ABCA13: variants seen among roughly 807,000 people sequenced by gnomAD.
ABCA13 encodes ATP-binding cassette sub-family A member 13.
A neutral mutation model predicts 478.7 loss-of-function variants in ABCA13; 476 were observed. The observed-to-expected ratio is 0.99, with a 90% confidence interval of 0.92 to 1.07. The LOEUF is 1.07. ABCA13 is among the 50% of genes least tolerant of loss of function. The probability of loss-of-function intolerance (pLI) is 0.00; values close to 1 mark genes in which losing one functional copy is unlikely to be tolerated. For missense variants in ABCA13, 6,060 were observed against 5,910.6 expected (o/e 1.03, Z -0.83); for synonymous variants, 2,252 against 2,158.9 (o/e 1.04, Z -1.20).
intron 55 of ABCA13, among the ~76,000 whole-genome samples, chr7:48,561,904 G>T (rs1267701443): frequency 2.0e-5 from 3 of 151,846 alleles, no homozygotes; most frequent in African/African-American, 7.3e-5. Flanking sequence ...ATTGAGTTTT[G>T]GATATCGCAT....
chr7:48,214,209 T>A (rs1032339111), intron 3 of ABCA13, among the ~76,000 whole-genome samples: 1 of 152,166 alleles, frequency 6.6e-6, no homozygotes, highest in Non-Finnish European at 1.5e-5. Flanking sequence ...GAAAACAACA[T>A]TTTTTTCTGA....
In ABCA13 at chr7:48,341,139, A is replaced by G. The variant is rs114571560; in HGVS notation, c.10204+2684A>G. Among the ~76,000 whole-genome samples the G allele has an allele frequency of 1.5e-3, 236 of 152,336 alleles. 1 individual carries two copies. Among genetic ancestry groups the G allele is most frequent in the African/African-American group, 5.5e-3 (229 of 41,572 alleles). On this transcript the variant is annotated intron_variant, in intron 29 of 61. Coordinates refer to ENST00000435803, the MANE Select transcript of ABCA13 (RefSeq NM_152701.5). ...TCAGTGCAGAGTCAGGCTATGCATT[A>G]TAATGACATTCCCTTATTTACCATG...
intron 10 of ABCA13, among the ~76,000 whole-genome samples, chr7:48,242,313 C>G (rs1260086386): frequency 1.3e-5 from 2 of 152,054 alleles, no homozygotes; most frequent in African/African-American, 4.8e-5. Context: ...ATACCACACT[C>G]TAGGTACAAA....
At chr7:48,632,086 T>C (rs1418668042) in intron 59 of ABCA13, among the ~76,000 whole-genome samples, 4 of 152,212 alleles carry the variant, frequency 2.6e-5, no homozygotes, top group Admixed American at 6.5e-5. Context: ...TAGTGTTTTC[T>C]AGTTACACAT....
chr7:48,201,371 C>T (rs958864544), intron 3 of ABCA13, among the ~76,000 whole-genome samples: 2 of 152,172 alleles, frequency 1.3e-5, no homozygotes, highest in Non-Finnish European at 2.9e-5. Context: ...GGAGCTGTTA[C>T]GCTCTCGGGC....
At chr7:48,191,495 C>T (rs1270196123) in intron 1 of ABCA13, among the ~76,000 whole-genome samples, 1 of 152,234 alleles carries the variant, frequency 6.6e-6, no homozygotes, top group Non-Finnish European at 1.5e-5. Context: ...CCTCCACCTC[C>T]CGGGTTCAAG....
At chr7:48,301,235 T>A (rs550021904) in intron 23 of ABCA13, among the ~76,000 whole-genome samples, 1 of 152,058 alleles carries the variant, frequency 6.6e-6, no homozygotes, top group Admixed American at 6.5e-5. Context: ...GTATTCTGAA[T>A]TTTTTTTCTT....
At chr7:48,377,371 A>T (rs960488428) in intron 35 of ABCA13, among the ~76,000 whole-genome samples, 4 of 152,152 alleles carry the variant, frequency 2.6e-5, no homozygotes, top group Admixed American at 2.0e-4. Context: ...TTTCTTGCTG[A>T]AATTACTTGG....
At position 48,454,993 on chromosome 7, in the gene ABCA13, C is replaced by T. The variant is rs756545663; in HGVS notation, c.12566-44C>T. 3 of 1,459,326 alleles carry T rather than the reference C, an allele frequency of 2.1e-6. 1 individual carries two copies. In the East Asian group the frequency reaches 7.5e-5, roughly 37 times the overall value. The allele number at this position is 1,459,326 out of a possible 1,614,324, so 90.4% of individuals were successfully genotyped here. ...CAAACGAGGCAAAGCGCTGTCACCT[C>T]CGCAGAGCTGACCCAGCCGCCCTTC... On this transcript the variant is annotated intron_variant, in intron 42 of 61. Transcript: ENST00000435803.
intron 27 of ABCA13, among the ~76,000 whole-genome samples, chr7:48,329,823 A>G (rs1361090212): frequency 6.6e-6 from 1 of 151,626 alleles, no homozygotes; most frequent in East Asian, 2.0e-4. Flanking sequence ...CCACACATCT[A>G]TTCATTCATC....
At chr7:48,418,611 T>C (rs1378162917) in intron 41 of ABCA13, among the ~76,000 whole-genome samples, 1 of 152,178 alleles carries the variant, frequency 6.6e-6, no homozygotes, top group Non-Finnish European at 1.5e-5. Flanking sequence ...TAGGTTTATC[T>C]TCCCTATCTT....
chr7:48,523,573 A>C (rs1044218677), intron 53 of ABCA13, among the ~76,000 whole-genome samples: 6 of 151,796 alleles, frequency 4.0e-5, no homozygotes, highest in African/African-American at 1.5e-4. Flanking sequence ...CATTAAATAT[A>C]TTTTAAATGA....
At chr7:48,533,642 T>G (rs943505033) in intron 55 of ABCA13, among the ~76,000 whole-genome samples, 1 of 152,126 alleles carries the variant, frequency 6.6e-6, no homozygotes, top group Non-Finnish European at 1.5e-5. Flanking sequence ...TTTTTAGGTG[T>G]AGTAGTAATT....
At chr7:48,377,488 A>G (rs1339317518) in intron 35 of ABCA13, among the ~76,000 whole-genome samples, 1 of 152,228 alleles carries the variant, frequency 6.6e-6, no homozygotes, top group Non-Finnish European at 1.5e-5. Context: ...GAGGGATAGA[A>G]AGAAAACAAA....
At position 48,184,720 on chromosome 7, in the gene ABCA13, T is replaced by C. The variant is rs149090801; in HGVS notation, c.70-8239T>C. Among the ~76,000 whole-genome samples the C allele has an allele frequency of 6.0e-3, 916 of 152,276 alleles. 4 individuals carry two copies. Among genetic ancestry groups the C allele is most frequent in the Middle Eastern group, 0.014 (4 of 294 alleles). ...CTGTAATCCTAGATACCTGAGAGGC[T>C]GAGGCAGAAGAATTGCTTGAATCTG... On this transcript the variant is annotated intron_variant, in intron 1 of 61. Transcript: ENST00000435803.
chr7:48,462,536 TCTCA>T (rs1826375425), intron 43 of ABCA13, among the ~76,000 whole-genome samples: 1 of 151,288 alleles, frequency 6.6e-6, no homozygotes, highest in African/African-American at 2.4e-5. Context: ...GAGTACAGGG[TCTCA>T]CTCTGTTGAC....
At chr7:48,201,297 T>A (rs889293963) in intron 3 of ABCA13, among the ~76,000 whole-genome samples, 2 of 152,206 alleles carry the variant, frequency 1.3e-5, no homozygotes, top group Non-Finnish European at 2.9e-5. Context: ...GGAGCCAAGA[T>A]GTTTGATTAT....
intron 8 of ABCA13, among the ~76,000 whole-genome samples, chr7:48,238,834 C>T (rs1442465351): frequency 2.6e-5 from 4 of 152,156 alleles, no homozygotes; most frequent in Admixed American, 2.6e-4. Context: ...GTTTCTGACC[C>T]AGGACTTCAA....
chr7:48,559,890 T>C (rs576380173), intron 55 of ABCA13, among the ~76,000 whole-genome samples: 3 of 152,280 alleles, frequency 2.0e-5, no homozygotes, highest in East Asian at 1.9e-4. Context: ...TGATTGTGGC[T>C]GAGCTGTTAA....
Sources: gnomAD v4.1 joint callset for allele counts (sites outside exome capture counted in the v4.1 genomes callset) on GRCh38, gnomAD v4.1.1 for gene constraint, MANE v1.5 for transcripts, NCBI Gene and HGNC (gene_info 2026-07-23, HGNC 2026-07-21) for gene names.